Variants in ZDHHC14 observed in about 807,000 individuals in gnomAD.
ZDHHC14 encodes zDHHC palmitoyltransferase 14, also known as palmitoyltransferase ZDHHC14.
In ZDHHC14, 16 loss-of-function variants were observed where a neutral mutation model predicts 47.7. The ratio of observed to expected loss-of-function variants is 0.34; its 90% confidence interval spans 0.23 to 0.51. ZDHHC14 has a LOEUF of 0.51. Ranked by LOEUF, ZDHHC14 falls within the 20% of genes least tolerant of loss-of-function variation. The pLI is 0.97. For missense variants in ZDHHC14, 515 were observed against 662.5 expected (o/e 0.78, Z 2.44); for synonymous variants, 293 against 278.9 (o/e 1.05, Z -0.50).
intron 1 of ZDHHC14, among the ~76,000 whole-genome samples, chr6:157,442,767 C>T (rs1191074050): frequency 6.6e-6 from 1 of 152,258 alleles, no homozygotes; most frequent in African/African-American, 2.4e-5. Context: ...TCTTCTCCTT[C>T]TGGCTCTTAC....
intron 1 of ZDHHC14, among the ~76,000 whole-genome samples, chr6:157,430,714 C>T (rs528436885): frequency 2.6e-5 from 4 of 152,220 alleles, no homozygotes; most frequent in Non-Finnish European, 4.4e-5. Context: ...TGTCACTTAA[C>T]GTATTCACAG....
intron 8 of ZDHHC14, among the ~76,000 whole-genome samples, chr6:157,669,510 G>C (rs1429350861): frequency 2.0e-5 from 3 of 152,190 alleles, no homozygotes; most frequent in African/African-American, 7.2e-5. Flanking sequence ...GACCTTGACT[G>C]TCTCCTCCAG....
At chr6:157,669,336 G>C (rs111677184) in intron 8 of ZDHHC14, among the ~76,000 whole-genome samples, 22 of 152,140 alleles carry the variant, frequency 1.4e-4, no homozygotes, top group South Asian at 8.3e-4. Flanking sequence ...GGGGTGGTGG[G>C]GGGGGAAGAC....
At chr6:157,579,198 T>TG (rs1438317133) in intron 2 of ZDHHC14, among the ~76,000 whole-genome samples, 57 of 122,976 alleles carry the variant, frequency 4.6e-4, no homozygotes, top group African/African-American at 1.9e-3. Flanking sequence ...GTGTTTTTTT[T>TG]TTTTTTTTTT....
intron 1 of ZDHHC14, among the ~76,000 whole-genome samples, chr6:157,456,592 T>C (rs570156636): frequency 2.3e-4 from 35 of 152,334 alleles, no homozygotes; most frequent in Non-Finnish European, 7.3e-5. Context: ...ACCACCATGT[T>C]TCTCCCTGGC....
intron 1 of ZDHHC14, among the ~76,000 whole-genome samples, chr6:157,406,562 C>T (rs1024547201): frequency 4.6e-5 from 7 of 152,328 alleles, no homozygotes; most frequent in African/African-American, 1.7e-4. Context: ...TGCTCCATTG[C>T]TAACTTATGG....
At chr6:157,434,218 T>TTTTATATA (rs1554257417) in intron 1 of ZDHHC14, among the ~76,000 whole-genome samples, 3 of 146,524 alleles carry the variant, frequency 2.0e-5, no homozygotes, top group Admixed American at 6.8e-5. Flanking sequence ...GCTTATAATT[T>TTTTATATA]TATATATATA....
intron 1 of ZDHHC14, among the ~76,000 whole-genome samples, chr6:157,399,351 C>T (rs952955637): frequency 1.3e-5 from 2 of 152,046 alleles, no homozygotes; most frequent in African/African-American, 4.8e-5. Flanking sequence ...TTGCCAGGGC[C>T]GAAGTTGGCA....
At chr6:157,532,769 A>G (rs942790105) in intron 1 of ZDHHC14, among the ~76,000 whole-genome samples, 3 of 152,224 alleles carry the variant, frequency 2.0e-5, no homozygotes, top group African/African-American at 7.2e-5. Context: ...GTATTGTAAG[A>G]CAACTTGCAA....
At chr6:157,498,965 G>T (rs757327505) in intron 1 of ZDHHC14, among the ~76,000 whole-genome samples, 8 of 152,152 alleles carry the variant, frequency 5.3e-5, no homozygotes, top group Admixed American at 6.5e-5. Context: ...ATTCATATGG[G>T]TTCTTAATAG....
At chr6:157,604,890 G>C (rs1020514422) in intron 3 of ZDHHC14, among the ~76,000 whole-genome samples, 15 of 152,230 alleles carry the variant, frequency 9.9e-5, no homozygotes, top group Admixed American at 6.5e-4. Flanking sequence ...GTTGACATGA[G>C]TTGCCCAGAA....
intron 2 of ZDHHC14, among the ~76,000 whole-genome samples, chr6:157,556,098 C>T (rs1466926301): frequency 6.6e-6 from 1 of 152,084 alleles, no homozygotes; most frequent in East Asian, 1.9e-4. Flanking sequence ...AGCGACTGAA[C>T]AGGAAAATAT....
intron 1 of ZDHHC14, among the ~76,000 whole-genome samples, chr6:157,385,822 A>G (rs1777298453): frequency 6.6e-6 from 1 of 152,208 alleles, no homozygotes; most frequent in Admixed American, 6.5e-5. Context: ...TACTGGTTAA[A>G]GGCATGGATT....
chr6:157,587,945 C>T (rs1046700101), intron 2 of ZDHHC14, among the ~76,000 whole-genome samples: 1 of 152,036 alleles, frequency 6.6e-6, no homozygotes, highest in African/African-American at 2.4e-5. Flanking sequence ...CATAGTGAGA[C>T]CTTGTCTCTA....
At position 157,443,856 on chromosome 6, in the gene ZDHHC14, G is replaced by C. The variant is rs1778606766; in HGVS notation, c.245+61590G>C. 2.0e-5 allele frequency among the ~76,000 whole-genome samples: 3 copies of C among 152,176 alleles called. No homozygotes were observed. In the South Asian group the frequency reaches 6.2e-4, roughly 32 times the overall value. ...CTCAGTTTTCCTCCTCTGTAGAGTG[G>C]AGATGTCTGCCTTCTAGGGTTCTGC... is the stretch of plus-strand genomic sequence containing the variant. On this transcript the variant is annotated intron_variant, in intron 1 of 8. Transcript: ENST00000359775.
chr6:157,419,685 C>A (rs1283543458), intron 1 of ZDHHC14, among the ~76,000 whole-genome samples: 1 of 152,164 alleles, frequency 6.6e-6, no homozygotes, highest in East Asian at 1.9e-4. Context: ...TATGGATATA[C>A]CACCATTTGT....
At chr6:157,650,086 G>A (rs1451889841) in intron 7 of ZDHHC14, among the ~76,000 whole-genome samples, 1 of 151,944 alleles carries the variant, frequency 6.6e-6, no homozygotes, top group Non-Finnish European at 1.5e-5. Context: ...CGGGAGAGGG[G>A]CTGGCTCTGT....
intron 1 of ZDHHC14, among the ~76,000 whole-genome samples, chr6:157,409,089 C>T (rs994569200): frequency 1.5e-4 from 23 of 152,370 alleles, no homozygotes; most frequent in Admixed American, 1.3e-3. Context: ...TTTGCTCGAT[C>T]GCTGTCACTG....
chr6:157,661,287 A>C (rs1199311052), intron 8 of ZDHHC14, among the ~76,000 whole-genome samples: 1 of 152,218 alleles, frequency 6.6e-6, no homozygotes. Flanking sequence ...AGTCACTTGG[A>C]AACAGTGGAG....
Sources: gnomAD v4.1 joint callset for allele counts (sites outside exome capture counted in the v4.1 genomes callset) on GRCh38, gnomAD v4.1.1 for gene constraint, MANE v1.5 for transcripts, NCBI Gene and HGNC (gene_info 2026-07-23, HGNC 2026-07-21) for gene names.